GPR135: variants seen among roughly 807,000 people sequenced by gnomAD.
The protein encoded by GPR135 is G-protein coupled receptor 135.
GPR135 carries 17 observed loss-of-function variants against 15.0 expected under a neutral mutation model. The ratio of observed to expected loss-of-function variants is 1.13; its 90% CI spans 0.78 to 1.70. The LOEUF (loss-of-function observed/expected upper bound fraction) is 1.70. Ranked by LOEUF, GPR135 falls within the 40% of genes most tolerant of loss-of-function variation. The pLI is 0.00. For synonymous variants in GPR135, 368 were observed against 349.4 expected (o/e 1.05, Z -0.59); for missense variants, 776 against 727.0 (o/e 1.07, Z -0.78).
In GPR135 at chr14:59,465,045, C is replaced by T; in HGVS notation, c.182G>A (p.Gly61Asp). 1.5e-6 allele frequency: 2 copies of T among 1,350,456 alleles called. No homozygotes were observed. Among genetic ancestry groups the T allele is most frequent in the Non-Finnish European group, 1.9e-6 (2 of 1,054,056 alleles). 83.7% of individuals were successfully genotyped at this position (1,350,456 alleles called of 1,614,324 possible). Residue 61 changes from glycine (G) to aspartate (D), a missense_variant, in exon 1 of 1, where the codon GGC (glycine) becomes GAC (aspartate). Transcript: ENST00000395116. Reference protein sequence around the residue: ...ALGNLSDASGGGTAAAPGGGG... With the variant: ...ALGNLSDASGDGTAAAPGGGG... The stretch of plus-strand genomic sequence containing the variant: ...GCCACCGGGAGCGGCAGCTGTGCCG[C>T]CTCCGCTTGCGTCGCTCAGGTTCCC...
chr14:59,463,437 G>A lies in GPR135; in HGVS notation c.*305C>T, dbSNP rs374595292. On this transcript the variant is annotated 3_prime_UTR_variant, in exon 1 of 1. Transcript: ENST00000395116. ...CATTCAATGTTTTGTTTGTTTCACA[G>A]TGTGGTCCTATAATATGAGCTTTTC... The A allele has an allele frequency of 1.9e-5, 7 of 361,552 alleles. No individual in the cohort carries two copies. Among genetic ancestry groups the A allele is most frequent in the African/African-American group, 8.4e-5 (4 of 47,812 alleles). 22.4% of individuals were successfully genotyped at this position (361,552 alleles called of 1,614,324 possible). A position where few individuals can be genotyped will look rare whatever the true frequency, so the allele number is the denominator to read the frequency against.
At position 59,463,679 on chromosome 14, in the gene GPR135, A is replaced by C; in HGVS notation, c.*63T>G. On this transcript the variant is annotated 3_prime_UTR_variant, in exon 1 of 1. Transcript: ENST00000395116. ...ATGAAATCCACAACTCTCCCCCAGA[A>C]TCTTCCATCATTAAATAATGCGAGT... 3 of 1,438,296 alleles carry C rather than the reference A, an allele frequency of 2.1e-6. No individual in the cohort carries two copies. Among genetic ancestry groups the C allele is most frequent in the Non-Finnish European group, 1.9e-6 (2 of 1,067,740 alleles). The allele number at this position is 1,438,296 out of a possible 1,614,324, so 89.1% of individuals were successfully genotyped here.
In GPR135 at chr14:59,463,671, C is replaced by T. The variant is rs931016315; in HGVS notation, c.*71G>A. Reference sequence around the variant, plus strand: ...TTGGCTTTATGAAATCCACAACTCTCCCCCAGAATCTTCCATCATTAAATA... The same window carrying T: ...TTGGCTTTATGAAATCCACAACTCTTCCCCAGAATCTTCCATCATTAAATA... On this transcript the variant is annotated 3_prime_UTR_variant, in exon 1 of 1. Coordinates refer to ENST00000395116, the MANE Select transcript of GPR135 (RefSeq NM_022571.6). 7.2e-7 allele frequency: 1 copy of T among 1,395,610 alleles called. No individual in the cohort carries two copies. Among genetic ancestry groups the T allele is most frequent in the African/African-American group, 1.4e-5 (1 of 69,860 alleles). The allele number at this position is 1,395,610 out of a possible 1,614,324, so 86.5% of individuals were successfully genotyped here.
chr14:59,459,048 C>G (rs1888762829), downstream of GPR135: 1 of 152,138 alleles, frequency 6.6e-6, no homozygotes, highest in Non-Finnish European at 1.5e-5. Context: ...ATGCCACAGA[C>G]TCACTATTCT....
At chr14:59,459,244 A>G (rs1173518379), downstream of GPR135, among the ~76,000 whole-genome samples, 4 of 152,226 alleles carry the variant, frequency 2.6e-5, no homozygotes, top group African/African-American at 9.6e-5. Context: ...TTTATGTATA[A>G]TTTTGATTTA....
In GPR135 at chr14:59,463,918, G is replaced by C. The variant is rs771478195; in HGVS notation, c.1309C>G (p.Arg437Gly). 1 of 1,614,022 alleles carries C rather than the reference G, an allele frequency of 6.2e-7. No homozygotes were observed. Among genetic ancestry groups the C allele is most frequent in the South Asian group, 1.1e-5 (1 of 91,062 alleles). Residue 437 changes from arginine (R) to glycine (G), a missense_variant, in exon 1 of 1, where the codon CGG becomes GGG. Coordinates refer to ENST00000395116, the MANE Select transcript of GPR135 (RefSeq NM_022571.6). ...RSRLRNRYAN[R>G]LGACNRMSSS... The stretch of plus-strand genomic sequence containing the variant: ...GACATCCTGTTGCAGGCCCCCAGCC[G>C]GTTGGCATAGCGGTTTCGAAGGCGA...
Position 59,464,365 on chromosome 14 carries a change from G to A in GPR135, c.862C>T (p.Leu288=). Residue 288 remains leucine, a synonymous_variant, in exon 1 of 1, where the codon CTG becomes TTG. Coordinates refer to ENST00000395116, the MANE Select transcript of GPR135 (RefSeq NM_022571.6). ...CAGAAGCACATGAGCAGGAAGGGCA[G>A]CAGGTAGCAGGCCACCACCAGCCCC... ...SVGLVVACYL[L]PFLLMCFCHY... is the part of the protein sequence containing the mutation. The A allele has an allele frequency of 1.2e-6, 2 of 1,607,066 alleles. No homozygotes were observed. The highest frequency in any genetic ancestry group is 1.7e-6 in the Non-Finnish European group (2 of 1,177,266).
rs187986511 is a variant in GPR135 at position 59,454,013 on chromosome 14, G to A, written c.*874+1671C>T. On this transcript the variant is annotated intron_variant and NMD_transcript_variant, in intron 6 of 6. Transcript: ENST00000481661. ...AGGGAAGTGGGGCCAACTATGATGTGATAATTAATATTGAGTTTCAACTTG... is the reference window on the plus strand; with the variant it reads ...AGGGAAGTGGGGCCAACTATGATGTAATAATTAATATTGAGTTTCAACTTG... 1.3e-3 allele frequency among the ~76,000 whole-genome samples: 202 copies of A among 152,310 alleles called. 1 individual carries two copies. In the Middle Eastern group the frequency reaches 0.014, roughly 10 times the overall value.
Position 59,464,162 on chromosome 14 carries a change from G to T in GPR135, c.1065C>A (p.Ala355=). 3 of 1,608,920 alleles carry T rather than the reference G, an allele frequency of 1.9e-6. No homozygotes were observed. The highest frequency in any genetic ancestry group is 2.5e-6 in the Non-Finnish European group (3 of 1,179,752). The change falls in exon 1 of 1, where the codon GCC becomes GCA. Residue 355 remains alanine (A), a synonymous_variant. Transcript: ENST00000395116. The stretch of plus-strand genomic sequence containing the variant: ...CCTGCATGGTCTGGGCCTGCCGGGC[G>T]GCGGCCAGCAGCACCAGGAAGCAGT... The part of the protein sequence containing the change: ...GPYCFLVLLA[A]ARQAQTMQAP...
chr14:59,463,908 G>T lies in GPR135; in HGVS notation c.1319C>A (p.Ala440Asp), dbSNP rs770804971. 6.2e-7 allele frequency: 1 copy of T among 1,614,060 alleles called. No individual in the cohort carries two copies. The change falls in exon 1 of 1, where the codon GCC becomes GAC. Residue 440 changes from alanine (A) to aspartate (D), a missense_variant. Ala to Asp is a moderately radical substitution (Grantham distance 126, BLOSUM62 -2). Transcript: ENST00000395116. The stretch of plus-strand genomic sequence containing the variant: ...GTTGGAAGAGGACATCCTGTTGCAG[G>T]CCCCCAGCCGGTTGGCATAGCGGTT... Reference protein sequence around the residue: ...LRNRYANRLGACNRMSSSNPA... With the variant: ...LRNRYANRLGDCNRMSSSNPA...
rs201546415 is a variant in GPR135 at position 59,464,058 on chromosome 14, C to T, written c.1169G>A (p.Arg390His). 3.7e-6 allele frequency: 6 copies of T among 1,613,452 alleles called. No individual in the cohort carries two copies. The East Asian group carries it at 8.9e-5, about 24-fold the overall frequency. Residue 390 changes from arginine to histidine, a missense_variant, in exon 1 of 1, where the codon CGC becomes CAC. By Grantham distance (29) the Arg-to-His change is conservative. Transcript: ENST00000395116. ...TAGGAGCATCGAAATGTTGGGATTG[C>T]GGATGGCGTAGATGACAGGGTTGAT... is the stretch of plus-strand genomic sequence containing the variant. ...GAINPVIYAIRNPNISMLLGR... is the reference protein window; with the variant it reads ...GAINPVIYAIHNPNISMLLGR...
chr14:59,458,573 A>T (rs565924573), downstream of GPR135, among the ~76,000 whole-genome samples: 1 of 151,938 alleles, frequency 6.6e-6, no homozygotes, highest in Non-Finnish European at 1.5e-5. Flanking sequence ...CTCTACTCCT[A>T]TGCGAACTCT....
intron 6 of GPR135, among the ~76,000 whole-genome samples, chr14:59,455,498 C>T (rs1204665562): frequency 6.6e-6 from 1 of 152,210 alleles, no homozygotes; most frequent in East Asian, 1.9e-4. Context: ...TGTTGTGTAA[C>T]AAGCTAGCTC....
In GPR135 at chr14:59,464,187, T is replaced by C. The variant is rs766268712; in HGVS notation, c.1040A>G (p.Tyr347Cys). The change falls in exon 1 of 1, where the codon TAC (tyrosine) becomes TGC (cysteine). Residue 347 changes from tyrosine (Y) to cysteine (C), a missense_variant. By Grantham distance (194) the Tyr-to-Cys change is radical. Coordinates refer to ENST00000395116, the MANE Select transcript of GPR135 (RefSeq NM_022571.6). ...IVFVICCWGPYCFLVLLAAAR... is the reference protein window; with the variant it reads ...IVFVICCWGPCCFLVLLAAAR... Reference sequence around the variant, plus strand: ...GGCGGCCAGCAGCACCAGGAAGCAGTAGGGCCCCCAGCAGCAGATGACGAA... The same window carrying C: ...GGCGGCCAGCAGCACCAGGAAGCAGCAGGGCCCCCAGCAGCAGATGACGAA... The C allele has an allele frequency of 1.2e-6, 2 of 1,609,202 alleles. No homozygotes were observed. Among genetic ancestry groups the C allele is most frequent in the South Asian group, 2.2e-5 (2 of 91,064 alleles).
At position 59,465,303 on chromosome 14, in the gene GPR135, G is replaced by C. The variant is rs1889124419; in HGVS notation, c.-77C>G. 9.0e-7 allele frequency: 1 copy of C among 1,110,866 alleles called. No individual in the cohort carries two copies. The highest frequency in any genetic ancestry group is 1.1e-6 in the Non-Finnish European group (1 of 882,178). The allele number at this position is 1,110,866 out of a possible 1,614,324, so 68.8% of individuals were successfully genotyped here. ...CGCTAGGTCGGAGTGGTGGCTCGGG[G>C]CCGGGGGCTAGCGGCCGCCGCGGGG... On this transcript the variant is annotated 5_prime_UTR_variant, in exon 1 of 1. Coordinates refer to ENST00000395116, the MANE Select transcript of GPR135 (RefSeq NM_022571.6).
chr14:59,465,169 G>A lies in GPR135; in HGVS notation c.58C>T (p.His20Tyr). The change falls in exon 1 of 1, where the codon CAC becomes TAC. Residue 20 changes from histidine (H) to tyrosine (Y), a missense_variant. Physicochemically the swap from His to Tyr is moderately conservative, Grantham distance 83. Transcript: ENST00000395116. ...CCGGCCGCGGAGGGGGCGCCGGAGT[G>A]CTGGCTGCCCAGTAAGGCCATGCTC... ...PASMALLGSQ[H>Y]SGAPSAAGPP... The A allele has an allele frequency of 7.6e-7, 1 of 1,323,796 alleles. No individual in the cohort carries two copies. Among genetic ancestry groups the A allele is most frequent in the Non-Finnish European group, 9.6e-7 (1 of 1,041,114 alleles). The allele number at this position is 1,323,796 out of a possible 1,614,324, so 82.0% of individuals were successfully genotyped here.
In GPR135 at chr14:59,464,639, G is replaced by C. The variant is rs1292875615; in HGVS notation, c.588C>G (p.Ile196Met). The change falls in exon 1 of 1, where the codon ATC becomes ATG. Residue 196 changes from isoleucine to methionine, a missense_variant. Coordinates refer to ENST00000395116, the MANE Select transcript of GPR135 (RefSeq NM_022571.6). ...TGAGCGCCACGCTGAGCGTGGACAC[G>C]ATGCCGAAGCACGAGCTGAAGAAGC... ...ASRFFSSCFG[I>M]VSTLSVALIS... 2 of 1,597,508 alleles carry C rather than the reference G, an allele frequency of 1.3e-6. No individual in the cohort carries two copies. The highest frequency in any genetic ancestry group is 1.7e-6 in the Non-Finnish European group (2 of 1,178,022).
chr14:59,457,215 C>G (rs1888683573), downstream of GPR135, among the ~76,000 whole-genome samples: 1 of 152,150 alleles, frequency 6.6e-6, no homozygotes, highest in Non-Finnish European at 1.5e-5. Context: ...TTGTTTTTCT[C>G]TTGCTGCTTT....
downstream of GPR135, among the ~76,000 whole-genome samples, chr14:59,455,958 T>C (rs927424780): frequency 1.3e-5 from 2 of 152,236 alleles, no homozygotes; most frequent in African/African-American, 4.8e-5. Flanking sequence ...GATATAGTTC[T>C]GGCAATAAGA....
Sources: gnomAD v4.1 joint callset for allele counts (sites outside exome capture counted in the v4.1 genomes callset) on GRCh38, gnomAD v4.1.1 for gene constraint, MANE v1.5 for transcripts, NCBI Gene and HGNC (gene_info 2026-07-23, HGNC 2026-07-21) for gene names.